The following NRG3 variants were observed in gnomAD, a reference collection of about 807,000 sequenced individuals.
NRG3 encodes neuregulin 3.
NRG3 carries 31 observed loss-of-function variants against 66.9 expected under a neutral mutation model. The ratio of observed to expected loss-of-function variants is 0.46; its 90% confidence interval spans 0.35 to 0.63. NRG3 has a LOEUF of 0.63. NRG3 is among the 20% of genes least tolerant of loss of function. The pLI, the probability that NRG3 is intolerant of heterozygous loss-of-function variation, is 0.00. For missense variants in NRG3, 910 were observed against 878.9 expected (o/e 1.04, Z -0.45); for synonymous variants, 393 against 359.4 (o/e 1.09, Z -1.06).
chr10:82,809,251 AATG>A, intron 3 of NRG3, among the ~76,000 whole-genome samples: 1 of 152,328 alleles, frequency 6.6e-6, no homozygotes, highest in East Asian at 1.9e-4. Context: ...GGAGAAAAAA[AATG>A]ATGAGTCTCA....
At chr10:82,654,815 G>A (rs925718507) in intron 2 of NRG3, among the ~76,000 whole-genome samples, 2 of 151,980 alleles carry the variant, frequency 1.3e-5, no homozygotes, top group African/African-American at 2.4e-5. Context: ...ATTCTTCTCC[G>A]TGGAAAGAAA....
intron 1 of NRG3, among the ~76,000 whole-genome samples, chr10:82,004,337 A>G (rs1000551667): frequency 6.6e-6 from 1 of 152,212 alleles, no homozygotes. Flanking sequence ...GAATGTTTGC[A>G]TGCTGATAGG....
chr10:82,832,325 CA>C (rs1480050521), intron 3 of NRG3, among the ~76,000 whole-genome samples: 2 of 152,140 alleles, frequency 1.3e-5, no homozygotes, highest in Admixed American at 6.5e-5. Flanking sequence ...TTCTCAAACT[CA>C]TAACTGAAAT....
rs1299682233 is a variant in NRG3, at chr10:82,045,418, G to T, written c.823+169255G>T. Among the ~76,000 whole-genome samples, 708 of 94,376 alleles carry T rather than the reference G, an allele frequency of 7.5e-3. 14 individuals carry two copies. The highest frequency in any genetic ancestry group is 0.021 in the African/African-American group (657 of 31,216). 61.9% of individuals were successfully genotyped at this position (94,376 alleles called of 152,430 possible). On this transcript the variant is annotated intron_variant, in intron 1 of 8. Coordinates refer to ENST00000372141, the MANE Select transcript of NRG3 (RefSeq NM_001010848.4). ...CGCCCACTTTTTGATGGGGTTGTTT[G>T]TTTTTTTCTTGTAAATTTGTTTGAG...
intron 2 of NRG3, among the ~76,000 whole-genome samples, chr10:82,452,514 G>A (rs1018969150): frequency 1.3e-5 from 2 of 152,084 alleles, no homozygotes; most frequent in Non-Finnish European, 2.9e-5. Flanking sequence ...TGTTTTTGCT[G>A]TGGTATAATA....
intron 6 of NRG3, among the ~76,000 whole-genome samples, chr10:82,965,917 CT>C (rs1851167923): frequency 6.6e-6 from 1 of 152,068 alleles, no homozygotes; most frequent in African/African-American, 2.4e-5. Context: ...TGAATTCTGC[CT>C]TTAGTCTCTC....
intron 2 of NRG3, among the ~76,000 whole-genome samples, chr10:82,543,609 C>G (rs535229590): frequency 6.6e-6 from 1 of 152,118 alleles, no homozygotes; most frequent in Non-Finnish European, 1.5e-5. Flanking sequence ...AGATAAAACT[C>G]AGGTTCCACT....
chr10:82,425,575 C>G (rs1369234323), intron 2 of NRG3, among the ~76,000 whole-genome samples: 4 of 151,986 alleles, frequency 2.6e-5, no homozygotes, highest in Non-Finnish European at 1.5e-5. Flanking sequence ...TTAACGCATG[C>G]TTTGTCTCTT....
At chr10:82,854,662 T>C (rs1338159402) in intron 3 of NRG3, among the ~76,000 whole-genome samples, 1 of 152,190 alleles carries the variant, frequency 6.6e-6, no homozygotes, top group East Asian at 1.9e-4. Context: ...AATATGAGCC[T>C]GACTTGAAGA....
intron 3 of NRG3, among the ~76,000 whole-genome samples, chr10:82,861,725 A>G (rs981480765): frequency 6.6e-6 from 1 of 152,164 alleles, no homozygotes. Flanking sequence ...TGCACCGGAA[A>G]GTTCTTGTTC....
At chr10:82,669,694 C>T (rs576428217) in intron 2 of NRG3, among the ~76,000 whole-genome samples, 1 of 152,110 alleles carries the variant, frequency 6.6e-6, no homozygotes, top group Non-Finnish European at 1.5e-5. Flanking sequence ...TTTGGGAGGC[C>T]GAGGCGGGTG....
intron 6 of NRG3, among the ~76,000 whole-genome samples, chr10:82,963,820 C>G (rs1850923753): frequency 6.6e-6 from 1 of 152,022 alleles, no homozygotes; most frequent in Admixed American, 6.6e-5. Flanking sequence ...AACAATCACC[C>G]CTGGGTTTGG....
intron 2 of NRG3, among the ~76,000 whole-genome samples, chr10:82,608,203 A>T (rs1401692404): frequency 1.3e-5 from 2 of 152,300 alleles, no homozygotes; most frequent in African/African-American, 2.4e-5. Flanking sequence ...TACAGATTTT[A>T]GCTTGGTGGG....
chr10:81,876,238 G>T, intron 1 of NRG3, 75 bp downstream of exon 1: 1 of 1,488,586 alleles, frequency 6.7e-7, no homozygotes. Context: ...TTTTTCCCTC[G>T]CCGCCTGTTT....
chr10:82,654,324 CACTG>C (rs1415340763), intron 2 of NRG3, among the ~76,000 whole-genome samples: 1 of 152,104 alleles, frequency 6.6e-6, no homozygotes, highest in Non-Finnish European at 1.5e-5. Context: ...GTTGTGTGCT[CACTG>C]ACTGTGTAGT....
At chr10:82,206,157 T>G (rs1224971812) in intron 1 of NRG3, among the ~76,000 whole-genome samples, 1 of 152,154 alleles carries the variant, frequency 6.6e-6, no homozygotes, top group Admixed American at 6.5e-5. Context: ...CACCTTAATC[T>G]CTCCTGCTTA....
chr10:82,762,473 G>C (rs1028182016), intron 3 of NRG3, among the ~76,000 whole-genome samples: 4 of 152,042 alleles, frequency 2.6e-5, no homozygotes, highest in African/African-American at 9.7e-5. Flanking sequence ...TCAATTCATT[G>C]AATAAGACAC....
chr10:82,113,428 A>G (rs1258746509), intron 1 of NRG3, among the ~76,000 whole-genome samples: 1 of 152,186 alleles, frequency 6.6e-6, no homozygotes, highest in Non-Finnish European at 1.5e-5. Context: ...CTGTGTGTTC[A>G]GAGATGGTGT....
chr10:82,743,627 A>G (rs2058522451), intron 3 of NRG3, among the ~76,000 whole-genome samples: 2 of 152,012 alleles, frequency 1.3e-5, no homozygotes, highest in Admixed American at 1.3e-4. Context: ...CTCCTTCCTC[A>G]TGTTCCCAGG....
Sources: allele counts gnomAD v4.1 joint callset (sites outside exome capture counted in the v4.1 genomes callset), GRCh38; gene constraint gnomAD v4.1.1; transcripts MANE v1.5; gene names NCBI Gene and HGNC (gene_info 2026-07-23, HGNC 2026-07-21).